The following KATNA1 variants were observed in gnomAD, a reference collection of about 807,000 sequenced individuals.
KATNA1 encodes katanin p60 ATPase-containing subunit A1.
KATNA1 carries 42 observed loss-of-function variants against 62.6 expected under a neutral mutation model. The observed-to-expected ratio is 0.67, with a 90% confidence interval of 0.52 to 0.87. The LOEUF (loss-of-function observed/expected upper bound fraction) is 0.87. Ranked by LOEUF, KATNA1 falls within the 40% of genes least tolerant of loss-of-function variation. The pLI is 0.00. For synonymous variants in KATNA1, 186 were observed against 201.9 expected (o/e 0.92, Z 0.67); for missense variants, 498 against 612.5 (o/e 0.81, Z 1.97).
chr6:149,634,138 T>C (rs2114612680), intron 2 of KATNA1, among the ~76,000 whole-genome samples: 1 of 151,590 alleles, frequency 6.6e-6, no homozygotes, highest in East Asian at 2.0e-4. Context: ...CTGGGTGTGG[T>C]GGCGGGCACC....
intron 7 of KATNA1, among the ~76,000 whole-genome samples, chr6:149,598,727 AAAAC>A (rs1310743770): frequency 7.2e-6 from 1 of 138,770 alleles, no homozygotes; most frequent in Non-Finnish European, 1.5e-5. Flanking sequence ...ACCTGTCTCT[AAAAC>A]AAGAGGAAAG....
At chr6:149,640,535 T>G (rs1316987000) in intron 1 of KATNA1, among the ~76,000 whole-genome samples, 2 of 150,410 alleles carry the variant, frequency 1.3e-5, no homozygotes, top group Non-Finnish European at 3.0e-5. Flanking sequence ...GGGGTTTTTT[T>G]GGGTTTTTTT....
rs757777715 is a variant in KATNA1, at chr6:149,597,238, G to C, written c.1151-49C>G. On this transcript the variant is annotated intron_variant, in intron 9 of 10. Transcript: ENST00000367411. The stretch of plus-strand genomic sequence containing the variant: ...AATGTAAGCCTGCAGCATAAACATA[G>C]TATACTATTGTCTCAAATCTTCTTT... 8.3e-6 allele frequency: 13 copies of C among 1,567,338 alleles called. No individual in the cohort carries two copies. The East Asian group carries it at 2.9e-4, about 35-fold the overall frequency.
Position 149,648,616 on chromosome 6 carries a change from T to A in KATNA1, c.-161A>T, listed in dbSNP as rs1208205190. 1 of 152,398 alleles carries A rather than the reference T, an allele frequency of 6.6e-6. No homozygotes were observed. The highest frequency in any genetic ancestry group is 6.5e-5 in the Admixed American group (1 of 15,300). 9.4% of individuals were successfully genotyped at this position (152,398 alleles called of 1,614,324 possible). A position where few individuals can be genotyped will look rare whatever the true frequency, so the allele number is the denominator to read the frequency against. ...ACGGCCCCAGTACTGCCCAGTTCAA[T>A]CGTCAACACCACCTGCCGGCGCGGC... On this transcript the variant is annotated 5_prime_UTR_variant, in exon 1 of 11. Coordinates refer to ENST00000367411, the MANE Select transcript of KATNA1 (RefSeq NM_007044.4).
chr6:149,644,982 A>T (rs1780424046), intron 1 of KATNA1, among the ~76,000 whole-genome samples: 1 of 152,046 alleles, frequency 6.6e-6, no homozygotes, highest in African/African-American at 2.4e-5. Context: ...TTCCCTTATT[A>T]CTCTCTAAGC....
chr6:149,625,668 T>C (rs556022623), intron 3 of KATNA1, among the ~76,000 whole-genome samples: 63 of 150,446 alleles, frequency 4.2e-4, no homozygotes, highest in Non-Finnish European at 1.0e-4. Flanking sequence ...GTGCGGTGGC[T>C]CACGCCTGTA....
chr6:149,645,778 G>A (rs1169435281), intron 1 of KATNA1, among the ~76,000 whole-genome samples: 1 of 152,052 alleles, frequency 6.6e-6, no homozygotes, highest in African/African-American at 2.4e-5. Flanking sequence ...TAACTCAAGT[G>A]ACAGAATCAA....
intron 3 of KATNA1, among the ~76,000 whole-genome samples, chr6:149,630,178 G>A (rs1779775563): frequency 1.3e-5 from 2 of 152,150 alleles, no homozygotes; most frequent in African/African-American, 4.8e-5. Flanking sequence ...TTTCTTTAAT[G>A]AGCTACTGTG....
At chr6:149,646,892 T>TA (rs1021688548) in intron 1 of KATNA1, among the ~76,000 whole-genome samples, 4 of 152,272 alleles carry the variant, frequency 2.6e-5, no homozygotes, top group African/African-American at 4.8e-5. Flanking sequence ...GTCAAGTGGC[T>TA]AAAAAAACCC....
intron 4 of KATNA1, among the ~76,000 whole-genome samples, chr6:149,617,294 C>A (rs1342111020): frequency 3.9e-5 from 6 of 152,144 alleles, no homozygotes; most frequent in Admixed American, 3.9e-4. Flanking sequence ...CTGAACTGCA[C>A]ACTTGAAATA....
At chr6:149,638,830 G>A (rs1299633603) in intron 1 of KATNA1, among the ~76,000 whole-genome samples, 5 of 136,956 alleles carry the variant, frequency 3.7e-5, no homozygotes, top group African/African-American at 1.1e-4. Flanking sequence ...TCTGCCTCCC[G>A]GGTTCAAGCA....
chr6:149,597,966 C>A, intron 8 of KATNA1: 1 of 475,454 alleles, frequency 2.1e-6, no homozygotes, highest in Non-Finnish European at 3.7e-6. Flanking sequence ...AATTTCATAG[C>A]TAAAGTAAGA....
At chr6:149,625,207 T>C (rs1265732225) in intron 3 of KATNA1, among the ~76,000 whole-genome samples, 1 of 152,172 alleles carries the variant, frequency 6.6e-6, no homozygotes, top group African/African-American at 2.4e-5. Context: ...AGTCTAATAC[T>C]GAACATGATA....
chr6:149,644,338 T>C (rs1352765499), intron 1 of KATNA1, among the ~76,000 whole-genome samples: 1 of 151,928 alleles, frequency 6.6e-6, no homozygotes, highest in African/African-American at 2.4e-5. Flanking sequence ...AAATCTAAAA[T>C]AGTCAGGCAT....
intron 1 of KATNA1, 179 bp from the exon 2 acceptor site, chr6:149,638,739 T>TTTG: frequency 4.6e-6 from 2 of 434,908 alleles, no homozygotes. Context: ...TGTTTTTTTT[T>TTTG]TTTTTTTTTT....
chr6:149,597,508 T>TGACG lies in KATNA1; in HGVS notation c.1145_1148dup (p.Ala384ValfsTer15). 6.2e-7 allele frequency: 1 copy of TGACG among 1,613,820 alleles called. No individual in the cohort carries two copies. The highest frequency in any genetic ancestry group is 1.7e-4 in the Middle Eastern group (1 of 6,058). On this transcript the variant is annotated frameshift_variant and splice_region_variant, in exon 9 of 11. Coordinates refer to ENST00000367411, the MANE Select transcript of KATNA1 (RefSeq NM_007044.4). LOFTEE classifies it high-confidence loss of function. ...CTGACAAGATTGAAAGGAAGATACC[T>TGACG]GACGGCAAAGGAATATAGATTCGTT... is the stretch of plus-strand genomic sequence containing the variant.
intron 4 of KATNA1, among the ~76,000 whole-genome samples, chr6:149,606,160 C>T (rs1219925827): frequency 6.6e-6 from 1 of 152,136 alleles, no homozygotes; most frequent in Non-Finnish European, 1.5e-5. Context: ...GGTAGAATGT[C>T]CGTTCTGACT....
rs1186731877 is a variant in KATNA1 at position 149,597,203 on chromosome 6, C to A, written c.1151-14G>T. ...CCCTGCCTTTTGCTAATGGTAGAAA[C>A]AAATTTTAAAATGTAAGCCTGCAGC... is the stretch of plus-strand genomic sequence containing the variant. On this transcript the variant is annotated splice_polypyrimidine_tract_variant and intron_variant, in intron 9 of 10. Transcript: ENST00000367411. 2 of 1,611,636 alleles carry A rather than the reference C, an allele frequency of 1.2e-6. No homozygotes were observed.
Position 149,609,802 on chromosome 6 carries a change from CAAA to C in KATNA1, c.502-5023_502-5021del, listed in dbSNP as rs1169018343. Among the ~76,000 whole-genome samples, 7 of 64,518 alleles carry C rather than the reference CAAA, an allele frequency of 1.1e-4. 1 individual carries two copies. The highest frequency in any genetic ancestry group is 1.4e-4 in the Non-Finnish European group (5 of 36,360). 42.3% of individuals were successfully genotyped at this position (64,518 alleles called of 152,430 possible). A position where few individuals can be genotyped will look rare whatever the true frequency, so the allele number is the denominator to read the frequency against. On this transcript the variant is annotated intron_variant, in intron 4 of 10. Transcript: ENST00000367411. ...TGGGCGACAGAGCTAGACTCCATCT[CAAA>C]AAAAAAAAAAATAGGCCAGGTGCGG...
Sources: gnomAD v4.1 joint callset for allele counts (sites outside exome capture counted in the v4.1 genomes callset) on GRCh38, gnomAD v4.1.1 for gene constraint, MANE v1.5 for transcripts, NCBI Gene and HGNC (gene_info 2026-07-23, HGNC 2026-07-21) for gene names.